MACF1: variants seen among roughly 807,000 people sequenced by gnomAD.
MACF1 encodes the protein microtubule actin crosslinking factor 1.
A neutral mutation model predicts 854.8 loss-of-function variants in MACF1; 193 were observed. The ratio of observed to expected loss-of-function variants is 0.23; its 90% CI spans 0.20 to 0.25. MACF1 has a LOEUF of 0.25. Ranked by LOEUF, MACF1 falls within the 10% of genes least tolerant of loss-of-function variation. The pLI, the probability that MACF1 is intolerant of heterozygous loss-of-function variation, is 1.00. For missense variants in MACF1, 7,722 were observed against 8,929.1 expected, an observed-to-expected ratio of 0.86 and a Z score of 5.45; for synonymous variants, 3,185 against 3,226.7, an observed-to-expected ratio of 0.99 and a Z score of 0.44.
intron 84 of MACF1, among the ~76,000 whole-genome samples, chr1:39,449,973 C>T (rs756057429): frequency 6.6e-5 from 10 of 152,096 alleles, no homozygotes; most frequent in Admixed American, 1.3e-4. Context: ...AATTCTTCTT[C>T]CTCAGCCTCC....
intron 2 of MACF1, among the ~76,000 whole-genome samples, chr1:39,158,802 A>T (rs1422602851): frequency 1.3e-5 from 2 of 152,154 alleles, no homozygotes; most frequent in Non-Finnish European, 2.9e-5. Flanking sequence ...CTGTAATGTA[A>T]TGAGGCTTCT....
At chr1:39,345,268 G>A (rs1391298895) in intron 40 of MACF1, among the ~76,000 whole-genome samples, 2 of 152,204 alleles carry the variant, frequency 1.3e-5, no homozygotes, top group Non-Finnish European at 2.9e-5. Flanking sequence ...AAGTCTGAGT[G>A]TAATCTTTCA....
chr1:39,253,033 C>A (rs12084111), intron 4 of MACF1, among the ~76,000 whole-genome samples: 1 of 152,262 alleles, frequency 6.6e-6, no homozygotes, highest in South Asian at 2.1e-4. Flanking sequence ...TTGACACTTA[C>A]AAAAGAAGTG....
rs1646612548 is a variant in MACF1, at chr1:39,326,460, C to G, written c.4479-758C>G. On this transcript the variant is annotated intron_variant, in intron 35 of 100. Transcript: ENST00000564288. ...CTTTGGGAGGCTGAGGCGGGCAAAT[C>G]ACCTGAGGTCAGGAGTTCGAGACCA... Among the ~76,000 whole-genome samples, 3 of 152,224 alleles carry G rather than the reference C, an allele frequency of 2.0e-5. No individual in the cohort carries two copies. The South Asian group carries it at 6.2e-4, about 32-fold the overall frequency.
chr1:39,138,566 C>G (rs1557477133), intron 2 of MACF1, among the ~76,000 whole-genome samples: 3 of 150,090 alleles, frequency 2.0e-5, no homozygotes, highest in Admixed American at 6.6e-5. Flanking sequence ...GCCTAGGCGA[C>G]AGAGAGAGAC....
chr1:39,359,054 C>A, intron 46 of MACF1, 87 bp from the exon 47 acceptor site: 1 of 1,527,168 alleles, frequency 6.5e-7, no homozygotes, highest in Non-Finnish European at 9.0e-7. Context: ...TACAATTATT[C>A]TGTAAAGCTG....
chr1:39,433,106 G>A lies in MACF1; in HGVS notation c.17516G>A (p.Arg5839His), dbSNP rs139726571. The A allele has an allele frequency of 1.6e-5, 26 of 1,611,918 alleles. No individual in the cohort carries two copies. Among genetic ancestry groups the A allele is most frequent in the East Asian group, 4.5e-5 (2 of 44,748 alleles). Residue 5839 changes from arginine (R) to histidine (H), a missense_variant, in exon 68 of 101, where the codon CGT (arginine) becomes CAT (histidine). Transcript: ENST00000564288. ...TCAATGGATGAACTCTTCAGTCACC[G>A]TAGTGAAATCTTTGGCACATGTGGG... ...KDSMDELFSHRSEIFGTCGEE... is the reference protein window; with the variant it reads ...KDSMDELFSHHSEIFGTCGEE...
chr1:39,276,171 A>G (rs1264531107), intron 6 of MACF1, among the ~76,000 whole-genome samples: 1 of 151,922 alleles, frequency 6.6e-6, no homozygotes, highest in East Asian at 1.9e-4. Context: ...CCTCTTGCCT[A>G]TGCCTCCCAA....
chr1:39,468,080 G>A (rs1644705946), intron 95 of MACF1: 1 of 152,326 alleles, frequency 6.6e-6, no homozygotes, highest in Non-Finnish European at 1.5e-5. Flanking sequence ...ACCATTAAAA[G>A]TGATTTTTAT....
chr1:39,182,161 A>G (rs549457557), intron 2 of MACF1, among the ~76,000 whole-genome samples: 3 of 152,056 alleles, frequency 2.0e-5, no homozygotes, highest in South Asian at 2.1e-4. Context: ...AAAAAAAAAA[A>G]AAAAAAGAAT....
chr1:39,401,579 T>C (rs1317190149), intron 58 of MACF1, among the ~76,000 whole-genome samples: 1 of 152,234 alleles, frequency 6.6e-6, no homozygotes, highest in Admixed American at 6.5e-5. Flanking sequence ...TTTAATTCTT[T>C]ACAGTTTCAG....
chr1:39,246,066 C>T (rs1644978319), intron 2 of MACF1, among the ~76,000 whole-genome samples: 1 of 152,166 alleles, frequency 6.6e-6, no homozygotes, highest in Admixed American at 6.5e-5. Flanking sequence ...ATCTTGATTA[C>T]ACTTTCTTGT....
chr1:39,459,752 A>G (rs1260044791), intron 91 of MACF1: 1 of 1,125,408 alleles, frequency 8.9e-7, no homozygotes, highest in African/African-American at 1.6e-5. Flanking sequence ...ATATAGTACT[A>G]TGCTTCCTAG....
upstream of MACF1, among the ~76,000 whole-genome samples, chr1:39,203,117 A>T (rs994231930): frequency 3.9e-5 from 6 of 152,234 alleles, no homozygotes; most frequent in Non-Finnish European, 8.8e-5. Flanking sequence ...AGAAAAAAAT[A>T]AACTTGACAG....
intron 21 of MACF1, among the ~76,000 whole-genome samples, chr1:39,298,415 A>T (rs1645969709): frequency 6.6e-6 from 1 of 152,222 alleles, no homozygotes. Flanking sequence ...GACTACTTAT[A>T]TTTAGTGAAT....
At chr1:39,210,627 A>C (rs1032587105) in intron 1 of MACF1, among the ~76,000 whole-genome samples, 3 of 152,136 alleles carry the variant, frequency 2.0e-5, no homozygotes, top group African/African-American at 7.2e-5. Flanking sequence ...TGGACTGGTC[A>C]CTTACTTCCT....
At chr1:39,199,361 G>T (rs1393857839) in intron 2 of MACF1, among the ~76,000 whole-genome samples, 1 of 150,332 alleles carries the variant, frequency 6.7e-6, no homozygotes, top group Non-Finnish European at 1.5e-5. Flanking sequence ...TCAGACATGG[G>T]CCAGACACAG....
At chr1:39,372,045 C>A (rs890320835) in intron 51 of MACF1, among the ~76,000 whole-genome samples, 1 of 152,092 alleles carries the variant, frequency 6.6e-6, no homozygotes, top group Non-Finnish European at 1.5e-5. Flanking sequence ...TCTTGTACTC[C>A]TGACCTCAAG....
chr1:39,360,805 G>A lies in MACF1; in HGVS notation c.12257G>A (p.Ser4086Asn). ...HVQETTDSIL[S>N]HFQSLSYSLA... ...CCTGATTTTTCAGATTCCATACTCA[G>A]CCACTTCCAAAGCCTCTCCTATAGC... Residue 4086 changes from serine (S) to asparagine (N), a missense_variant, in exon 48 of 101, where the codon AGC (serine) becomes AAC (asparagine). Around this residue, in one of 15 missense-constraint regions of MACF1, gnomAD observed 2,807 missense variants for 3,235.8 expected, o/e 0.87. Transcript: ENST00000564288. 1.2e-6 allele frequency: 2 copies of A among 1,606,940 alleles called. No individual in the cohort carries two copies. Among genetic ancestry groups the A allele is most frequent in the South Asian group, 2.2e-5 (2 of 90,080 alleles).
Sources: allele counts gnomAD v4.1 joint callset (sites outside exome capture counted in the v4.1 genomes callset), GRCh38; gene constraint gnomAD v4.1.1; regional missense constraint gnomAD v4.1.1; transcripts MANE v1.5; gene names NCBI Gene and HGNC (gene_info 2026-07-23, HGNC 2026-07-21).